Variants in ATR observed in about 807,000 individuals in gnomAD.
ATR encodes serine/threonine-protein kinase ATR.
Under a neutral mutation model 305.3 loss-of-function variants are expected in ATR, and 142 were observed. That is an observed-to-expected ratio of 0.47 (90% confidence interval 0.41 to 0.53). The LOEUF is 0.53. Ranked by LOEUF, ATR falls within the 20% of genes least tolerant of loss-of-function variation. ATR has a pLI of 0.00. For missense variants in ATR, 2,135 were observed against 3,133.1 expected, an observed-to-expected ratio of 0.68 and a Z score of 7.60; for synonymous variants, 1,050 against 1,068.1, an observed-to-expected ratio of 0.98 and a Z score of 0.33.
Position 142,572,372 on chromosome 3 carries a change from C to CTTTTTTTT in ATR, c.60-4226_60-4219dup, listed in dbSNP as rs11318957. On this transcript the variant is annotated intron_variant, in intron 1 of 46. Coordinates refer to ENST00000350721, the MANE Select transcript of ATR (RefSeq NM_001184.4). ...GCGTGAGCCACCACGCCCGGCCTGA[C>CTTTTTTTT]TTTTTTTTTTTTTTTTTTTTTTTTT... Among the ~76,000 whole-genome samples the CTTTTTTTT allele has an allele frequency of 1.7e-3, 96 of 56,794 alleles. 6 individuals are homozygous for CTTTTTTTT. Among genetic ancestry groups the CTTTTTTTT allele is most frequent in the Non-Finnish European group, 2.2e-3 (68 of 30,772 alleles). 37.3% of individuals were successfully genotyped at this position (56,794 alleles called of 152,430 possible).
intron 36 of ATR, among the ~76,000 whole-genome samples, chr3:142,476,369 G>A (rs62276428): frequency 0.23 from 35,026 of 151,996 alleles, 5,099 homozygotes; most frequent in South Asian, 0.49. Flanking sequence ...CCCATTTCTT[G>A]TTTTTGTCAG....
chr3:142,565,733 T>TAAAAAAAAAA (rs55690216), intron 3 of ATR, among the ~76,000 whole-genome samples: 3 of 79,324 alleles, frequency 3.8e-5, no homozygotes, highest in Admixed American at 1.6e-4. Flanking sequence ...CTGTCTTATT[T>TAAAAAAAAAA]AAAAAAAAAA....
rs2108341164 is a variant in ATR at position 142,498,675 on chromosome 3, C to T, written c.5480G>A (p.Arg1827Lys). Residue 1827 changes from arginine to lysine, a missense_variant, in exon 32 of 47, where the codon AGA (arginine) becomes AAA (lysine). This residue lies in a region of ATR where 117 missense variants were observed against 198.3 expected (regional missense o/e 0.59). Transcript: ENST00000350721. ...TAFYDSLKLV[R>K]AEQIVPLSAA... The stretch of plus-strand genomic sequence containing the variant: ...TGAAAGAGGTACAATTTGTTCTGCT[C>T]TCACTAGTTTCAGTGAGTCATAAAA... 1 of 1,614,052 alleles carries T rather than the reference C, an allele frequency of 6.2e-7. No homozygotes were observed. The highest frequency in any genetic ancestry group is 8.5e-7 in the Non-Finnish European group (1 of 1,179,982).
Position 142,513,489 on chromosome 3 carries a change from G to T in ATR, c.4641+12C>A, listed in dbSNP as rs201709093. ...CACATGTTCAAAAACCAAGTAAGAT[G>T]ATTTATCTCACCTCCTGCTGATCTT... On this transcript the variant is annotated intron_variant, in intron 26 of 46. Coordinates refer to ENST00000350721, the MANE Select transcript of ATR (RefSeq NM_001184.4). 2 of 1,612,782 alleles carry T rather than the reference G, an allele frequency of 1.2e-6. No individual in the cohort carries two copies. Among genetic ancestry groups the T allele is most frequent in the African/African-American group, 2.7e-5 (2 of 74,892 alleles).
At chr3:142,455,984 A>T (rs372194384) in intron 45 of ATR, among the ~76,000 whole-genome samples, 2 of 152,264 alleles carry the variant, frequency 1.3e-5, no homozygotes, top group African/African-American at 2.4e-5. Flanking sequence ...TTTGAAAATC[A>T]TATCTTAAAA....
intron 8 of ATR, among the ~76,000 whole-genome samples, chr3:142,557,173 T>C (rs1176238778): frequency 6.6e-6 from 1 of 151,776 alleles, no homozygotes; most frequent in South Asian, 2.1e-4. Context: ...TTCTCTCTCT[T>C]TTTTTTTAAT....
intron 3 of ATR, 93 bp from the exon 4 acceptor site, chr3:142,563,202 A>G: frequency 2.4e-6 from 3 of 1,241,474 alleles, no homozygotes; most frequent in South Asian, 1.5e-5. Context: ...TTTAAAGAAT[A>G]AACTTCACTA....
intron 42 of ATR, among the ~76,000 whole-genome samples, chr3:142,461,272 A>G (rs1001647007): frequency 2.0e-5 from 3 of 152,128 alleles, no homozygotes; most frequent in South Asian, 2.1e-4. Context: ...TGCCTGCAAT[A>G]ATAATTACTA....
At chr3:142,548,164 G>T (rs2034341828) in intron 15 of ATR, among the ~76,000 whole-genome samples, 1 of 152,088 alleles carries the variant, frequency 6.6e-6, no homozygotes, top group Admixed American at 6.6e-5. Flanking sequence ...GCAAGTCCTA[G>T]TTTTCTCTAA....
At chr3:142,575,961 T>A (rs73240323) in intron 1 of ATR, among the ~76,000 whole-genome samples, 20,468 of 152,232 alleles carry the variant, frequency 0.13, 1,439 homozygotes, top group Non-Finnish European at 0.16. Context: ...AAAGGACGGT[T>A]TTGTGCAGGG....
rs187734529 is a variant in ATR at position 142,512,320 on chromosome 3, C to T, written c.4792G>A (p.Ala1598Thr). 2.0e-5 allele frequency: 33 copies of T among 1,613,514 alleles called. 1 individual carries two copies. The Admixed American group carries it at 4.0e-4, about 20-fold the overall frequency. ...LTQWARHKFQ[A>T]LKAEKCPHSK... ...TGTGGACATTTCTCAGCTTTCAGTG[C>T]CTGAAATTTGTGCCTTGCCCACTGT... Residue 1598 changes from alanine (A) to threonine (T), a missense_variant, in exon 27 of 47, where the codon GCA becomes ACA. Coordinates refer to ENST00000350721, the MANE Select transcript of ATR (RefSeq NM_001184.4).
chr3:142,568,664 G>A (rs868682156), intron 1 of ATR, among the ~76,000 whole-genome samples: 18 of 152,208 alleles, frequency 1.2e-4, no homozygotes, highest in African/African-American at 4.3e-4. Context: ...GCAAACCCAG[G>A]CATCCCTGCT....
intron 34 of ATR, 60 bp from the exon 35 acceptor site, chr3:142,493,371 A>G: frequency 6.7e-7 from 1 of 1,482,228 alleles, no homozygotes; most frequent in Non-Finnish European, 9.2e-7. Context: ...TATTTTCTGC[A>G]AAAGTATTAG....
intron 21 of ATR, among the ~76,000 whole-genome samples, chr3:142,527,716 A>G (rs1469989695): frequency 6.6e-6 from 1 of 152,144 alleles, no homozygotes; most frequent in Non-Finnish European, 1.5e-5. Context: ...TTTGTTTCAC[A>G]TACTATAAAA....
intron 24 of ATR, among the ~76,000 whole-genome samples, chr3:142,519,449 G>A (rs1205247634): frequency 1.3e-5 from 2 of 151,900 alleles, no homozygotes; most frequent in African/African-American, 4.8e-5. Context: ...TTACAGATGT[G>A]CACCACCACG....
Position 142,477,317 on chromosome 3 carries a change from G to T in ATR, c.6222-7134C>A, listed in dbSNP as rs187393427. ...TTAGCATGAAGGGCTGTTGAATTTT[G>T]TCAAAGGCCTTTTCTGCATCTATTG... On this transcript the variant is annotated intron_variant, in intron 36 of 46. Coordinates refer to ENST00000350721, the MANE Select transcript of ATR (RefSeq NM_001184.4). Among the ~76,000 whole-genome samples, 55 of 152,220 alleles carry T rather than the reference G, an allele frequency of 3.6e-4. 1 individual carries two copies. The highest frequency in any genetic ancestry group is 1.1e-3 in the African/African-American group (46 of 41,544).
chr3:142,490,929 T>C (rs1442334283), intron 35 of ATR, among the ~76,000 whole-genome samples: 1 of 152,202 alleles, frequency 6.6e-6, no homozygotes, highest in East Asian at 1.9e-4. Flanking sequence ...CTAGTCCTTG[T>C]ATCTTTTACT....
In ATR at chr3:142,522,753, TG is replaced by T; in HGVS notation, c.4240del (p.Gln1414LysfsTer41). 3 of 1,613,684 alleles carry T rather than the reference TG, an allele frequency of 1.9e-6. No homozygotes were observed. The highest frequency in any genetic ancestry group is 2.5e-6 in the Non-Finnish European group (3 of 1,179,646). On this transcript the variant is annotated frameshift_variant, in exon 23 of 47. Transcript: ENST00000350721. LOFTEE classifies it high-confidence loss of function. ...YLAYADNSRA[Q>X]DSAAYAIQEL... The stretch of plus-strand genomic sequence containing the variant: ...CTGAATGGCATAGGCAGCTGAATCT[TG>T]AGCTCGGCTATTATCAGCATACGCA...
At chr3:142,474,699 C>A (rs2071390608) in intron 36 of ATR, among the ~76,000 whole-genome samples, 2 of 151,948 alleles carry the variant, frequency 1.3e-5, no homozygotes, top group South Asian at 4.1e-4. Flanking sequence ...ACTTCTTTTC[C>A]AATTTGGATG....
Sources: gnomAD v4.1 joint callset for allele counts (sites outside exome capture counted in the v4.1 genomes callset) on GRCh38, gnomAD v4.1.1 for gene constraint, gnomAD v4.1.1 regional missense constraint, MANE v1.5 for transcripts, NCBI Gene and HGNC (gene_info 2026-07-23, HGNC 2026-07-21) for gene names.